CALB1: variants seen among roughly 807,000 people sequenced by gnomAD.
CALB1 encodes calbindin 1, also known as calbindin.
A neutral mutation model predicts 46.7 loss-of-function variants in CALB1; 16 were observed. That is an observed-to-expected ratio of 0.34 (90% CI 0.23 to 0.52). The LOEUF (loss-of-function observed/expected upper bound fraction) is 0.52. Among genes scored for constraint, CALB1 ranks in the 20% least tolerant of loss-of-function variants. CALB1 has a pLI of 0.95. For synonymous variants in CALB1, 90 were observed against 112.8 expected, an observed-to-expected ratio of 0.80 and a Z score of 1.28; for missense variants, 224 against 300.3, an observed-to-expected ratio of 0.75 and a Z score of 1.88.
chr8:90,081,995 C>T, intron 2 of CALB1, 31 bp downstream of exon 2: 2 of 1,582,910 alleles, frequency 1.3e-6, no homozygotes, highest in Non-Finnish European at 1.7e-6. Context: ...GGTTAAAAGT[C>T]TTTTTTTCTT....
At chr8:90,067,132 A>G (rs1270822975) in intron 5 of CALB1, among the ~76,000 whole-genome samples, 1 of 152,132 alleles carries the variant, frequency 6.6e-6, no homozygotes, top group African/African-American at 2.4e-5. Context: ...TAATTGGGTT[A>G]AAAAGCCTCA....
At chr8:90,076,411 A>G (rs537140500) in intron 3 of CALB1, among the ~76,000 whole-genome samples, 154 of 152,170 alleles carry the variant, frequency 1.0e-3, no homozygotes, top group Non-Finnish European at 1.7e-3. Flanking sequence ...GGCAAATCCT[A>G]TTGAAGCTTC....
At chr8:90,079,824 A>C (rs1470015147) in intron 2 of CALB1, among the ~76,000 whole-genome samples, 2 of 152,014 alleles carry the variant, frequency 1.3e-5, no homozygotes, top group East Asian at 3.8e-4. Context: ...TCACCTAGTG[A>C]AAATTTTGAA....
chr8:90,073,674 G>A (rs1563681021), intron 3 of CALB1, among the ~76,000 whole-genome samples: 1 of 152,140 alleles, frequency 6.6e-6, no homozygotes, highest in Non-Finnish European at 1.5e-5. Context: ...TTTATTTCTA[G>A]CGTAATACAG....
rs1814756783 is a variant in CALB1, at chr8:90,082,776, G to A, written c.-79C>T. On this transcript the variant is annotated 5_prime_UTR_variant, in exon 1 of 11. Coordinates refer to ENST00000265431, the MANE Select transcript of CALB1 (RefSeq NM_004929.4). ...GCGAGGGGGAGTGAGCAAAAGCTCA[G>A]CGTGTGCGCGAGTCAGGGCTGCGGA... 7.2e-7 allele frequency: 1 copy of A among 1,381,750 alleles called. No individual in the cohort carries two copies. The allele number at this position is 1,381,750 out of a possible 1,614,324, so 85.6% of individuals were successfully genotyped here.
intron 3 of CALB1, among the ~76,000 whole-genome samples, chr8:90,077,712 T>C (rs1263299419): frequency 6.6e-6 from 1 of 152,010 alleles, no homozygotes; most frequent in East Asian, 1.9e-4. Context: ...CAGACAAAAA[T>C]AAGTTGCCCT....
Position 90,059,650 on chromosome 8 carries a change from C to G in CALB1, c.*523G>C, listed in dbSNP as rs1191290775. The G allele has an allele frequency of 6.5e-6, 1 of 152,910 alleles. No individual in the cohort carries two copies. Among genetic ancestry groups the G allele is most frequent in the African/African-American group, 2.4e-5 (1 of 41,410 alleles). 9.5% of individuals were successfully genotyped at this position (152,910 alleles called of 1,614,324 possible). On this transcript the variant is annotated 3_prime_UTR_variant, in exon 11 of 11. Coordinates refer to ENST00000265431, the MANE Select transcript of CALB1 (RefSeq NM_004929.4). ...TTGGTAAACTAAATCTGTAATGAGA[C>G]TGTTAACTTCATAAAGCCACAATTA...
rs77142287 is a variant in CALB1 at position 90,073,765 on chromosome 8, G to A, written c.232-4528C>T. On this transcript the variant is annotated intron_variant, in intron 3 of 10. Coordinates refer to ENST00000265431, the MANE Select transcript of CALB1 (RefSeq NM_004929.4). ...CTACTAAATACTAGGCACTGTGCTGGTGACCACAGTCACCACTAGTGAGAA... is the reference window on the plus strand; with the variant it reads ...CTACTAAATACTAGGCACTGTGCTGATGACCACAGTCACCACTAGTGAGAA... Among the ~76,000 whole-genome samples the A allele has an allele frequency of 6.8e-3, 1,039 of 152,256 alleles. 10 individuals carry two copies. Among genetic ancestry groups the A allele is most frequent in the African/African-American group, 0.023 (961 of 41,520 alleles).
chr8:90,065,172 C>T (rs1443319373), intron 6 of CALB1, among the ~76,000 whole-genome samples: 1 of 151,662 alleles, frequency 6.6e-6, no homozygotes, highest in African/African-American at 2.4e-5. Flanking sequence ...AAACTTCGTC[C>T]AATAGAAACT....
chr8:90,081,070 G>C (rs1430002144), intron 2 of CALB1, among the ~76,000 whole-genome samples: 4 of 151,918 alleles, frequency 2.6e-5, no homozygotes, highest in Non-Finnish European at 5.9e-5. Context: ...TTTTCCTCTG[G>C]ACAACCATCT....
intron 3 of CALB1, among the ~76,000 whole-genome samples, chr8:90,071,613 G>A (rs887431749): frequency 6.6e-6 from 1 of 151,950 alleles, no homozygotes. Flanking sequence ...GAAAGAAGAG[G>A]GAACAAAGAT....
At chr8:90,063,598 A>T in intron 6 of CALB1, 137 bp from the exon 7 acceptor site, 1 of 666,118 alleles carries the variant, frequency 1.5e-6, no homozygotes, top group Non-Finnish European at 2.6e-6. Context: ...TAGCATTTTT[A>T]AAACTTTCAA....
chr8:90,067,347 G>A (rs985210208), intron 5 of CALB1, among the ~76,000 whole-genome samples: 2 of 152,088 alleles, frequency 1.3e-5, no homozygotes, highest in African/African-American at 4.8e-5. Flanking sequence ...CTCTTTCTGA[G>A]AATAAAATTT....
At chr8:90,067,557 TA>T (rs1432463017) in intron 5 of CALB1, among the ~76,000 whole-genome samples, 2 of 152,176 alleles carry the variant, frequency 1.3e-5, no homozygotes, top group African/African-American at 4.8e-5. Context: ...GACTTCACAT[TA>T]AAAACGTTTA....
chr8:90,071,039 A>G, intron 3 of CALB1, among the ~76,000 whole-genome samples: 1 of 152,170 alleles, frequency 6.6e-6, no homozygotes, highest in Non-Finnish European at 1.5e-5. Context: ...GCTAAGGCCC[A>G]AAGAGGTTGA....
At chr8:90,063,367 G>A (rs1445537294) in intron 7 of CALB1, 39 bp downstream of exon 7, 2 of 1,585,378 alleles carry the variant, frequency 1.3e-6, no homozygotes, top group African/African-American at 1.3e-5. Flanking sequence ...TTTTTGAAAA[G>A]GATCCACTTA....
At position 90,060,224 on chromosome 8, in the gene CALB1, C is replaced by T. The variant is rs763436870; in HGVS notation, c.735G>A (p.Gly245=). The T allele has an allele frequency of 1.2e-6, 2 of 1,613,810 alleles. No individual in the cohort carries two copies. Among genetic ancestry groups the T allele is most frequent in the Non-Finnish European group, 1.7e-6 (2 of 1,179,726 alleles). Residue 245 remains glycine, a synonymous_variant, in exon 11 of 11, where the codon GGG becomes GGA. Coordinates refer to ENST00000265431, the MANE Select transcript of CALB1 (RefSeq NM_004929.4). ...KKNIMALSDG[G]KLYRTDLALI... ...GAGCAAGATCCGTTCGGTACAGCTT[C>T]CCTCCATCCGACAAAGCCATTATGT...
chr8:90,073,557 G>T (rs1188015831), intron 3 of CALB1, among the ~76,000 whole-genome samples: 1 of 152,146 alleles, frequency 6.6e-6, no homozygotes, highest in Non-Finnish European at 1.5e-5. Context: ...CTGTCCCGGG[G>T]TATTGATCCC....
At chr8:90,073,815 AAAC>A (rs763436196) in intron 3 of CALB1, among the ~76,000 whole-genome samples, 9 of 152,182 alleles carry the variant, frequency 5.9e-5, no homozygotes, top group Non-Finnish European at 1.2e-4. Context: ...AGATACTTTC[AAAC>A]AACTTTTCCC....
Sources: allele counts gnomAD v4.1 joint callset (sites outside exome capture counted in the v4.1 genomes callset), GRCh38; gene constraint gnomAD v4.1.1; transcripts MANE v1.5; gene names NCBI Gene and HGNC (gene_info 2026-07-23, HGNC 2026-07-21).